Variants in HDAC4 observed in about 807,000 individuals in gnomAD.
HDAC4 encodes the protein histone deacetylase 4.
In HDAC4, 16 loss-of-function variants were observed where a neutral mutation model predicts 135.1. That is an observed-to-expected ratio of 0.12 (90% confidence interval 0.08 to 0.18). The LOEUF (loss-of-function observed/expected upper bound fraction) is 0.18, where lower values mean the gene tolerates loss of function less well. HDAC4 is among the 10% of genes least tolerant of loss of function. HDAC4 has a pLI of 1.00. For missense variants in HDAC4, 1,143 were observed against 1,511.8 expected (o/e 0.76, Z 4.05); for synonymous variants, 685 against 653.4 (o/e 1.05, Z -0.74).
At chr2:239,149,373 A>AAAATAAATAAAT (rs113606701) in intron 7 of HDAC4, among the ~76,000 whole-genome samples, 95 of 149,474 alleles carry the variant, frequency 6.4e-4, no homozygotes, top group African/African-American at 2.1e-3. Context: ...GTTCCGTTTC[A>AAAATAAATAAAT]AAATAAATAA....
intron 22 of HDAC4, among the ~76,000 whole-genome samples, chr2:239,076,295 A>C (rs555270370): frequency 6.6e-6 from 1 of 152,326 alleles, no homozygotes; most frequent in East Asian, 1.9e-4. Flanking sequence ...CTTCCTCGAA[A>C]GGCCATCGCT....
At chr2:239,084,335 G>T in intron 19 of HDAC4, 93 bp from the exon 20 acceptor site, 1 of 818,750 alleles carries the variant, frequency 1.2e-6, no homozygotes, top group Non-Finnish European at 2.1e-6. Context: ...GGTCCACGCA[G>T]ACCTAAGAGG....
intron 16 of HDAC4, among the ~76,000 whole-genome samples, chr2:239,095,820 A>G (rs1559416993): frequency 6.6e-6 from 1 of 151,774 alleles, no homozygotes; most frequent in African/African-American, 2.4e-5. Flanking sequence ...AGGACAAGAG[A>G]CCCCCACTAA....
chr2:239,142,196 C>A (rs2041424243), intron 8 of HDAC4, among the ~76,000 whole-genome samples: 2 of 152,054 alleles, frequency 1.3e-5, no homozygotes, highest in Non-Finnish European at 2.9e-5. Context: ...CAGTAGACAC[C>A]CAATTAATTA....
chr2:239,356,619 A>G (rs1210137389), intron 1 of HDAC4, among the ~76,000 whole-genome samples: 1 of 152,260 alleles, frequency 6.6e-6, no homozygotes, highest in African/African-American at 2.4e-5. Context: ...GGTTATATGT[A>G]TATCAAAGTA....
rs565583531 is a variant in HDAC4, at chr2:239,376,522, C to T, written c.-219-23604G>A. On this transcript the variant is annotated intron_variant, in intron 1 of 26. Coordinates refer to ENST00000543185, the MANE Select transcript of HDAC4 (RefSeq NM_001378414.1). ...GAGGTGGGACACAGACTCTGTCGACCGCCCTGGCCCGAAGGCACGTGTCTA... is the reference window on the plus strand; with the variant it reads ...GAGGTGGGACACAGACTCTGTCGACTGCCCTGGCCCGAAGGCACGTGTCTA... Among the ~76,000 whole-genome samples the T allele has an allele frequency of 1.9e-4, 29 of 152,354 alleles. No homozygotes were observed. In the South Asian group the frequency reaches 5.0e-3, roughly 26 times the overall value.
chr2:239,277,864 A>G (rs1018993497), intron 2 of HDAC4, among the ~76,000 whole-genome samples: 1 of 151,914 alleles, frequency 6.6e-6, no homozygotes, highest in Admixed American at 6.5e-5. Context: ...CAAATAACTG[A>G]GAATACTCTC....
At chr2:239,156,098 T>C (rs1037171341) in intron 7 of HDAC4, among the ~76,000 whole-genome samples, 2 of 152,242 alleles carry the variant, frequency 1.3e-5, no homozygotes, top group Non-Finnish European at 2.9e-5. Flanking sequence ...CACCTGCTTG[T>C]GCCTAAATGC....
chr2:239,054,313 G>C (rs2031422225), intron 25 of HDAC4, among the ~76,000 whole-genome samples: 2 of 152,104 alleles, frequency 1.3e-5, no homozygotes, highest in Non-Finnish European at 2.9e-5. Context: ...GAGGGTCGGT[G>C]CCAGAACTCA....
intron 2 of HDAC4, among the ~76,000 whole-genome samples, chr2:239,304,670 G>A (rs546386922): frequency 5.3e-5 from 8 of 152,176 alleles, no homozygotes; most frequent in Non-Finnish European, 8.8e-5. Flanking sequence ...TCCTGCCCTC[G>A]GCTCCTGGGG....
chr2:239,211,908 A>T (rs2046370881), intron 3 of HDAC4, among the ~76,000 whole-genome samples: 1 of 152,190 alleles, frequency 6.6e-6, no homozygotes, highest in African/African-American at 2.4e-5. Flanking sequence ...CTTCCTCGAG[A>T]GCAGTCCCGT....
intron 9 of HDAC4, among the ~76,000 whole-genome samples, chr2:239,136,947 C>T (rs761950975): frequency 2.0e-5 from 3 of 152,130 alleles, no homozygotes; most frequent in Non-Finnish European, 2.9e-5. Context: ...GATTAAAGGG[C>T]TACTGAGGAA....
intron 2 of HDAC4, among the ~76,000 whole-genome samples, chr2:239,281,339 A>G (rs1460750749): frequency 8.9e-6 from 1 of 112,112 alleles, no homozygotes; most frequent in Non-Finnish European, 2.1e-5. Flanking sequence ...TCTGCAAACA[A>G]TGTACACACC....
In HDAC4 at chr2:239,053,071, A is replaced by G. The variant is rs536643058; in HGVS notation, c.*26T>C. 8 of 1,613,906 alleles carry G rather than the reference A, an allele frequency of 5.0e-6. No individual in the cohort carries two copies. The highest frequency in any genetic ancestry group is 2.7e-5 in the African/African-American group (2 of 75,076). The stretch of plus-strand genomic sequence containing the variant: ...AGCTTCAAGACAGAGACAGACAGAC[A>G]AGAGAACAGCAGCTTCGAGGGAGTG... On this transcript the variant is annotated 3_prime_UTR_variant, in exon 27 of 27. Transcript: ENST00000543185.
At chr2:239,108,700 C>T (rs906033152) in intron 14 of HDAC4, among the ~76,000 whole-genome samples, 2 of 152,192 alleles carry the variant, frequency 1.3e-5, no homozygotes, top group South Asian at 2.1e-4. Context: ...ACACCAGATT[C>T]GAGCTCTGCC....
intron 3 of HDAC4, among the ~76,000 whole-genome samples, chr2:239,212,104 T>C (rs2046379336): frequency 6.6e-6 from 1 of 152,220 alleles, no homozygotes; most frequent in South Asian, 2.1e-4. Context: ...TCTGTCTCAC[T>C]AAAATTTTAA....
chr2:239,156,441 A>G (rs2042429011), intron 7 of HDAC4, among the ~76,000 whole-genome samples: 1 of 152,232 alleles, frequency 6.6e-6, no homozygotes, highest in South Asian at 2.1e-4. Flanking sequence ...AGTGGTGTAC[A>G]TGCGTTAGGT....
chr2:239,238,229 T>C (rs906092566), intron 2 of HDAC4, among the ~76,000 whole-genome samples: 3 of 152,184 alleles, frequency 2.0e-5, no homozygotes, highest in African/African-American at 7.2e-5. Flanking sequence ...TTTGTATTCA[T>C]TTTTATAATA....
At chr2:239,154,800 C>G (rs2042321693) in intron 7 of HDAC4, 1 of 152,210 alleles carries the variant, frequency 6.6e-6, no homozygotes. Flanking sequence ...AGGGCGCTCT[C>G]CAGGTGAAAT....
Sources: allele counts gnomAD v4.1 joint callset (sites outside exome capture counted in the v4.1 genomes callset), GRCh38; gene constraint gnomAD v4.1.1; transcripts MANE v1.5; gene names NCBI Gene and HGNC (gene_info 2026-07-23, HGNC 2026-07-21).